SNTG1: variants seen among roughly 807,000 people sequenced by gnomAD.
SNTG1 encodes the protein syntrophin gamma 1, also known as gamma-1-syntrophin.
A neutral mutation model predicts 74.7 loss-of-function variants in SNTG1; 39 were observed. The observed-to-expected ratio is 0.52, with a 90% CI of 0.40 to 0.68. The LOEUF is 0.68. SNTG1 is among the 30% of genes least tolerant of loss of function. SNTG1 has a pLI of 0.00. For synonymous variants in SNTG1, 254 were observed against 217.1 expected (o/e 1.17, Z -1.49); for missense variants, 685 against 609.5 (o/e 1.12, Z -1.30).
intron 13 of SNTG1, among the ~76,000 whole-genome samples, chr8:50,610,634 C>A (rs1020670539): frequency 6.6e-6 from 1 of 152,156 alleles, no homozygotes; most frequent in African/African-American, 2.4e-5. Flanking sequence ...CAAGTTTATG[C>A]TACTCACTCC....
At chr8:50,047,286 C>A (rs561970557) in intron 1 of SNTG1, among the ~76,000 whole-genome samples, 1 of 151,862 alleles carries the variant, frequency 6.6e-6, no homozygotes, top group South Asian at 2.1e-4. Context: ...CTGCAGTGAG[C>A]CATGATGGTG....
intron 12 of SNTG1, among the ~76,000 whole-genome samples, chr8:50,584,284 A>G (rs2094632379): frequency 6.6e-6 from 1 of 151,124 alleles, no homozygotes; most frequent in Admixed American, 6.6e-5. Flanking sequence ...TATACCCAGT[A>G]ATGGGATGGC....
intron 2 of SNTG1, among the ~76,000 whole-genome samples, chr8:50,289,906 G>A (rs992600977): frequency 1.3e-5 from 2 of 152,144 alleles, no homozygotes; most frequent in Non-Finnish European, 1.5e-5. Flanking sequence ...TGCACGGAAT[G>A]TACACATAGT....
rs1033240950 is a variant in SNTG1, at chr8:50,067,531, G to A, written c.-102-105030G>A. Among the ~76,000 whole-genome samples the A allele has an allele frequency of 2.0e-5, 3 of 152,230 alleles. No individual in the cohort carries two copies. The East Asian group carries it at 5.8e-4, about 29-fold the overall frequency. On this transcript the variant is annotated intron_variant, in intron 1 of 18. Transcript: ENST00000642720. ...ATCGGTTTCTCAAACTACCCTTCTA[G>A]CTCTTACATTTTGTTAAACCTTTTT...
At chr8:50,616,690 G>A (rs2094887544) in intron 13 of SNTG1, among the ~76,000 whole-genome samples, 1 of 152,162 alleles carries the variant, frequency 6.6e-6, no homozygotes, top group South Asian at 2.1e-4. Context: ...GATGTCACCA[G>A]TGTAGTGGAC....
At chr8:50,551,952 C>T (rs996685513) in intron 11 of SNTG1, among the ~76,000 whole-genome samples, 1 of 152,120 alleles carries the variant, frequency 6.6e-6, no homozygotes, top group East Asian at 1.9e-4. Flanking sequence ...ACCAGTAGAC[C>T]TGAGCCAGAC....
At chr8:50,552,890 A>G (rs547093943) in intron 11 of SNTG1, among the ~76,000 whole-genome samples, 160 bp from the exon 12 acceptor site, 3 of 152,214 alleles carry the variant, frequency 2.0e-5, no homozygotes, top group Non-Finnish European at 4.4e-5. Context: ...TCAGTGTTTC[A>G]TTTAAAACAG....
intron 12 of SNTG1, among the ~76,000 whole-genome samples, chr8:50,581,570 A>G (rs986277124): frequency 6.6e-6 from 1 of 152,196 alleles, no homozygotes; most frequent in Non-Finnish European, 1.5e-5. Flanking sequence ...TACATTTTGA[A>G]GCCATCAGAA....
chr8:50,503,696 C>G (rs1469720983), intron 9 of SNTG1, among the ~76,000 whole-genome samples: 1 of 152,066 alleles, frequency 6.6e-6, no homozygotes, highest in Non-Finnish European at 1.5e-5. Context: ...TCACATATTT[C>G]TTAGTTTGTT....
At chr8:50,491,288 A>G (rs2093850825) in intron 8 of SNTG1, 1 of 152,296 alleles carries the variant, frequency 6.6e-6, no homozygotes, top group Admixed American at 6.5e-5. Context: ...AGAAAGAATG[A>G]CATATTCCTA....
intron 2 of SNTG1, among the ~76,000 whole-genome samples, chr8:50,216,453 G>A (rs1257809875): frequency 1.3e-5 from 2 of 152,064 alleles, no homozygotes; most frequent in Non-Finnish European, 2.9e-5. Context: ...TAAGAGTCTG[G>A]CATGAGGGAA....
At chr8:50,207,198 G>A (rs1261467847) in intron 2 of SNTG1, among the ~76,000 whole-genome samples, 2 of 152,074 alleles carry the variant, frequency 1.3e-5, no homozygotes, top group Admixed American at 6.6e-5. Context: ...TCTGGTCCTG[G>A]ACTTTTTTTG....
chr8:50,782,471 A>G (rs1261177830), intron 18 of SNTG1, among the ~76,000 whole-genome samples: 1 of 152,032 alleles, frequency 6.6e-6, no homozygotes, highest in African/African-American at 2.4e-5. Flanking sequence ...TCCATCACTG[A>G]TACTCTTTCT....
At chr8:50,304,118 GT>G (rs1395014243) in intron 2 of SNTG1, among the ~76,000 whole-genome samples, 1 of 152,154 alleles carries the variant, frequency 6.6e-6, no homozygotes, top group Non-Finnish European at 1.5e-5. Context: ...GACCCTGAGG[GT>G]TGTGCCCTCA....
chr8:50,481,437 G>C (rs2093739833), intron 8 of SNTG1, among the ~76,000 whole-genome samples: 2 of 152,186 alleles, frequency 1.3e-5, no homozygotes, highest in African/African-American at 4.8e-5. Context: ...AGGTTCTACA[G>C]TGGACAATGT....
intron 18 of SNTG1, among the ~76,000 whole-genome samples, chr8:50,784,710 C>T (rs151287181): frequency 0.016 from 2,394 of 152,168 alleles, 39 homozygotes; most frequent in Middle Eastern, 0.034. Flanking sequence ...ACTCTCCACC[C>T]AATTACAGAA....
At position 50,796,546 on chromosome 8, in the gene SNTG1, T is replaced by C. The variant is rs1802819470; in HGVS notation, c.*3717T>C. ...AATATATTTATTTCATTTTTAATTG[T>C]TTTGGTGGATGTTTGTAAAATGTAA... On this transcript the variant is annotated 3_prime_UTR_variant, in exon 19 of 19. Coordinates refer to ENST00000642720, the MANE Select transcript of SNTG1 (RefSeq NM_018967.5). 2 of 151,962 alleles carry C rather than the reference T, an allele frequency of 1.3e-5. No individual in the cohort carries two copies. The highest frequency in any genetic ancestry group is 4.8e-5 in the African/African-American group (2 of 41,426). The allele number at this position is 151,962 out of a possible 1,614,324, so 9.4% of individuals were successfully genotyped here.
chr8:49,968,668 A>G (rs1285480451), intron 1 of SNTG1, among the ~76,000 whole-genome samples: 3 of 152,176 alleles, frequency 2.0e-5, no homozygotes, highest in Admixed American at 6.5e-5. Context: ...TACCAAAGAG[A>G]TAGACCCTTA....
intron 4 of SNTG1, among the ~76,000 whole-genome samples, chr8:50,409,445 T>C (rs1198611975): frequency 1.3e-5 from 2 of 152,336 alleles, no homozygotes; most frequent in East Asian, 3.9e-4. Context: ...ACCTGTTTCA[T>C]CTGTGATCAT....
Sources: gnomAD v4.1 joint callset for allele counts (sites outside exome capture counted in the v4.1 genomes callset) on GRCh38, gnomAD v4.1.1 for gene constraint, MANE v1.5 for transcripts, NCBI Gene and HGNC (gene_info 2026-07-23, HGNC 2026-07-21) for gene names.